Variants in STIM2 observed in about 807,000 individuals in gnomAD.
STIM2 encodes stromal interaction molecule 2.
In STIM2, 31 loss-of-function variants were observed where a neutral mutation model predicts 85.8. The ratio of observed to expected loss-of-function variants is 0.36; its 90% CI spans 0.27 to 0.49. The LOEUF (loss-of-function observed/expected upper bound fraction) is 0.49. STIM2 is among the 20% of genes least tolerant of loss of function. The probability of loss-of-function intolerance (pLI) is 0.98; values close to 1 mark genes in which losing one functional copy is unlikely to be tolerated. For missense variants in STIM2, 841 were observed against 927.6 expected (o/e 0.91, Z 1.21); for synonymous variants, 356 against 331.1 (o/e 1.08, Z -0.82).
chr4:26,906,579 A>T (rs1465354013), intron 1 of STIM2, among the ~76,000 whole-genome samples: 1 of 152,020 alleles, frequency 6.6e-6, no homozygotes, highest in African/African-American at 2.4e-5. Flanking sequence ...TCTAAAAAAT[A>T]TAAAATGTTA....
intron 1 of STIM2, among the ~76,000 whole-genome samples, chr4:26,897,246 G>A (rs1212421033): frequency 6.6e-6 from 1 of 152,174 alleles, no homozygotes; most frequent in East Asian, 1.9e-4. Context: ...ATTCCCAACA[G>A]CAAAGTATGA....
intron 2 of STIM2, among the ~76,000 whole-genome samples, chr4:26,947,095 G>A (rs942848301): frequency 5.9e-5 from 9 of 152,124 alleles, no homozygotes; most frequent in African/African-American, 1.7e-4. Context: ...AGGTCTCTGC[G>A]TTAGCTTTTC....
At chr4:26,971,383 C>T (rs898119522) in intron 3 of STIM2, among the ~76,000 whole-genome samples, 1 of 152,140 alleles carries the variant, frequency 6.6e-6, no homozygotes, top group African/African-American at 2.4e-5. Flanking sequence ...TTAGGTCTAA[C>T]ATTTAATTCT....
intron 3 of STIM2, 89 bp downstream of exon 3, chr4:26,957,815 CA>C: frequency 3.1e-5 from 22 of 717,794 alleles, no homozygotes; most frequent in Non-Finnish European, 4.4e-5. Flanking sequence ...ATGCTTTTAC[CA>C]AAAAAATCAA....
chr4:26,928,944 A>G (rs1388683870), intron 2 of STIM2, among the ~76,000 whole-genome samples: 1 of 152,208 alleles, frequency 6.6e-6, no homozygotes, highest in Non-Finnish European at 1.5e-5. Context: ...TGCAAACACA[A>G]CATGCCTTTA....
In STIM2 at chr4:26,886,412, A is replaced by G. The variant is rs79964906; in HGVS notation, c.151+25043A>G. 8.5e-5 allele frequency among the ~76,000 whole-genome samples: 13 copies of G among 152,332 alleles called. No individual in the cohort carries two copies. In the East Asian group the frequency reaches 2.1e-3, roughly 25 times the overall value. ...TATTTATCAGGAGATGATAAATGCA[A>G]TGAAGGAAAATAAAATAGGTGAGAA... On this transcript the variant is annotated intron_variant, in intron 1 of 11. Transcript: ENST00000467087.
At position 27,007,615 on chromosome 4, in the gene STIM2, T is replaced by C. The variant is rs1399825261; in HGVS notation, c.1064T>C (p.Leu355Pro). 1.2e-6 allele frequency: 2 copies of C among 1,608,410 alleles called. No homozygotes were observed. The highest frequency in any genetic ancestry group is 1.7e-6 in the Non-Finnish European group (2 of 1,178,118). ...GTTCCAGATGCACTTCAGAAATGGC[T>C]TCAGTTAACACATGAAGTAGAAGTG... is the stretch of plus-strand genomic sequence containing the variant. The change falls in exon 8 of 12, where the codon CTT becomes CCT. Residue 355 changes from leucine to proline, a missense_variant. Physicochemically the swap from Leu to Pro is moderately conservative, Grantham distance 98 (BLOSUM62 -3). Transcript: ENST00000467087.
intron 1 of STIM2, among the ~76,000 whole-genome samples, chr4:26,901,099 C>T (rs1470899384): frequency 6.6e-6 from 1 of 152,202 alleles, no homozygotes; most frequent in Admixed American, 6.5e-5. Flanking sequence ...TGGGGAGACA[C>T]CTAGGACATG....
chr4:26,911,836 T>C (rs1724353454), intron 1 of STIM2, among the ~76,000 whole-genome samples: 2 of 152,250 alleles, frequency 1.3e-5, no homozygotes. Flanking sequence ...GCTTTTATTA[T>C]TTATGCATTA....
chr4:26,895,733 C>T (rs945510770), intron 1 of STIM2, among the ~76,000 whole-genome samples: 1 of 152,188 alleles, frequency 6.6e-6, no homozygotes, highest in Admixed American at 6.5e-5. Flanking sequence ...TCAGCCAGAA[C>T]AGGAGGGCCT....
At chr4:26,979,838 G>A (rs897849957) in intron 3 of STIM2, among the ~76,000 whole-genome samples, 3 of 152,156 alleles carry the variant, frequency 2.0e-5, no homozygotes, top group African/African-American at 7.2e-5. Context: ...TTATTGTGCT[G>A]TCTTCATTTT....
At chr4:27,015,537 C>A (rs567501765) in intron 10 of STIM2, among the ~76,000 whole-genome samples, 1 of 151,896 alleles carries the variant, frequency 6.6e-6, no homozygotes, top group Non-Finnish European at 1.5e-5. Flanking sequence ...CCTGAAAATA[C>A]TTTATTTTCA....
chr4:26,964,476 C>CCTGCCAAT (rs1230459400), intron 3 of STIM2, among the ~76,000 whole-genome samples: 5 of 152,010 alleles, frequency 3.3e-5, no homozygotes, highest in African/African-American at 7.3e-5. Context: ...GGAACATTAG[C>CCTGCCAAT]ATTGAGTTGA....
chr4:26,940,641 GT>G (rs1725577143), intron 2 of STIM2, among the ~76,000 whole-genome samples: 1 of 152,076 alleles, frequency 6.6e-6, no homozygotes, highest in African/African-American at 2.4e-5. Flanking sequence ...TCTGAGTTGA[GT>G]TTTATTATTA....
chr4:26,981,279 TA>T, intron 3 of STIM2, among the ~76,000 whole-genome samples: 1 of 152,266 alleles, frequency 6.6e-6, no homozygotes, highest in African/African-American at 2.4e-5. Flanking sequence ...TCAACAAGTA[TA>T]TAGAGTTTAG....
chr4:27,017,514 G>T (rs1248793009), intron 10 of STIM2, among the ~76,000 whole-genome samples, 197 bp from the exon 11 acceptor site: 1 of 147,384 alleles, frequency 6.8e-6, no homozygotes, highest in Non-Finnish European at 1.5e-5. Flanking sequence ...TTTTAAACCT[G>T]TTTTTTTTTT....
rs1244659665 is a variant in STIM2, at chr4:26,883,209, AAG to A, written c.151+21843_151+21844del. ...GAGAAGCCTGCCCTGAAGCATGAGA[AAG>A]AGGGGAGGGTTGGGAGGGAAACAGT... On this transcript the variant is annotated intron_variant, in intron 1 of 11. Coordinates refer to ENST00000467087, the MANE Select transcript of STIM2 (RefSeq NM_020860.4). Among the ~76,000 whole-genome samples the A allele has an allele frequency of 2.6e-5, 4 of 152,044 alleles. No individual in the cohort carries two copies. The East Asian group carries it at 5.8e-4, about 22-fold the overall frequency.
At chr4:26,921,988 C>G (rs767420655) in intron 2 of STIM2, among the ~76,000 whole-genome samples, 1 of 152,078 alleles carries the variant, frequency 6.6e-6, no homozygotes, top group Non-Finnish European at 1.5e-5. Context: ...CTAGAACCAC[C>G]GACTATATGA....
At chr4:26,948,005 C>T (rs903985308) in intron 2 of STIM2, among the ~76,000 whole-genome samples, 2 of 151,986 alleles carry the variant, frequency 1.3e-5, no homozygotes, top group African/African-American at 4.8e-5. Flanking sequence ...AGGGATATTG[C>T]AGGTGAAAAT....
Sources: gnomAD v4.1 joint callset for allele counts (sites outside exome capture counted in the v4.1 genomes callset) on GRCh38, gnomAD v4.1.1 for gene constraint, MANE v1.5 for transcripts, NCBI Gene and HGNC (gene_info 2026-07-23, HGNC 2026-07-21) for gene names.